Variants in TRPA1 observed in about 807,000 individuals in gnomAD.
TRPA1 encodes the protein ankyrin-like with transmembrane domains 1.
A neutral mutation model predicts 131.3 loss-of-function variants in TRPA1; 129 were observed. That is an observed-to-expected ratio of 0.98 (90% CI 0.85 to 1.14). The LOEUF (loss-of-function observed/expected upper bound fraction) is 1.14. Ranked by LOEUF, TRPA1 falls within the 50% of genes most tolerant of loss-of-function variation. TRPA1 has a pLI of 0.00. For missense variants in TRPA1, 1,304 were observed against 1,354.2 expected, an observed-to-expected ratio of 0.96 and a Z score of 0.58; for synonymous variants, 441 against 451.7, an observed-to-expected ratio of 0.98 and a Z score of 0.30.
chr8:72,045,231 G>A (rs1367557942), intron 17 of TRPA1, among the ~76,000 whole-genome samples: 1 of 151,838 alleles, frequency 6.6e-6, no homozygotes, highest in African/African-American at 2.4e-5. Flanking sequence ...CCACGAGTCT[G>A]CATTCTCCAT....
In TRPA1 at chr8:72,038,087, G is replaced by T; in HGVS notation, c.2296-15C>A. ...AGATATGAATTCTAAAACAAAAAAG[G>T]ATAAGACACATAGTTATGAGAGATA... On this transcript the variant is annotated splice_polypyrimidine_tract_variant and intron_variant, in intron 19 of 26. Transcript: ENST00000262209. The T allele has an allele frequency of 1.6e-6, 2 of 1,269,522 alleles. No homozygotes were observed. Among genetic ancestry groups the T allele is most frequent in the Non-Finnish European group, 1.1e-6 (1 of 874,230 alleles). The allele number at this position is 1,269,522 out of a possible 1,614,324, so 78.6% of individuals were successfully genotyped here. A position where few individuals can be genotyped will look rare whatever the true frequency, so the allele number is the denominator to read the frequency against.
chr8:72,022,862 A>T lies in TRPA1; in HGVS notation c.*44T>A, dbSNP rs896423708. 1.2e-5 allele frequency: 18 copies of T among 1,559,122 alleles called. No homozygotes were observed. In the African/African-American group the frequency reaches 1.6e-4, roughly 14 times the overall value. Reference sequence around the variant, plus strand: ...TTTAAATTGAAAGTTAGAACCAGCAAGTCATGCACCCCCCATTAGAAGCCT... The same window carrying T: ...TTTAAATTGAAAGTTAGAACCAGCATGTCATGCACCCCCCATTAGAAGCCT... On this transcript the variant is annotated 3_prime_UTR_variant, in exon 27 of 27. Coordinates refer to ENST00000262209, the MANE Select transcript of TRPA1 (RefSeq NM_007332.3).
chr8:72,034,241 G>C lies in TRPA1; in HGVS notation c.2685+7C>G, dbSNP rs1585844782. On this transcript the variant is annotated splice_region_variant and intron_variant, in intron 22 of 26. Coordinates refer to ENST00000262209, the MANE Select transcript of TRPA1 (RefSeq NM_007332.3). ...GACAAAATCAACTACTGATGTAACT[G>C]TCTTACCTGTAAATTCAGGAGGATG... 6.2e-7 allele frequency: 1 copy of C among 1,604,640 alleles called. No individual in the cohort carries two copies. The highest frequency in any genetic ancestry group is 1.7e-5 in the Admixed American group (1 of 59,590).
intron 19 of TRPA1, 168 bp downstream of exon 19, chr8:72,038,697 C>A: frequency 1.6e-6 from 1 of 607,404 alleles, no homozygotes; most frequent in Non-Finnish European, 2.8e-6. Flanking sequence ...GTTTATATTC[C>A]CTCTCCTTCC....
chr8:72,023,844 A>T lies in TRPA1; in HGVS notation c.3119T>A (p.Leu1040Ter). The change falls in exon 26 of 27, where the codon TTA becomes TAA. Residue 1040 changes from leucine (L) to a stop codon, truncating the protein, a stop_gained. Coordinates refer to ENST00000262209, the MANE Select transcript of TRPA1 (RefSeq NM_007332.3). LOFTEE classifies it high-confidence loss of function. ...TTTCTGCTTTAATATTTCCATTTCT[A>T]AAGATTTATCAGCATTTGGTATTTC... is the stretch of plus-strand genomic sequence containing the variant. ...RQEIPNADKS[L>*]EMEILKQKYR... is the part of the protein sequence containing the mutation. The T allele has an allele frequency of 6.3e-7, 1 of 1,592,676 alleles. No homozygotes were observed. The highest frequency in any genetic ancestry group is 1.1e-5 in the South Asian group (1 of 90,532).
At chr8:72,069,961 A>G (rs1806021196) in intron 2 of TRPA1, among the ~76,000 whole-genome samples, 1 of 152,222 alleles carries the variant, frequency 6.6e-6, no homozygotes, top group African/African-American at 2.4e-5. Context: ...AATAAACCAC[A>G]GGACTAGAAT....
chr8:72,058,142 A>C (rs776427826), intron 8 of TRPA1, among the ~76,000 whole-genome samples: 49 of 152,296 alleles, frequency 3.2e-4, no homozygotes, highest in African/African-American at 1.2e-3. Context: ...TTCCACTGCA[A>C]GAAATAATTT....
intron 3 of TRPA1, among the ~76,000 whole-genome samples, chr8:72,066,035 A>ATT (rs1198274243): frequency 6.6e-6 from 1 of 152,046 alleles, no homozygotes; most frequent in Non-Finnish European, 1.5e-5. Context: ...TCCTCCAGTT[A>ATT]TTTTTCTTTT....
chr8:72,033,528 T>C (rs1811912130), intron 23 of TRPA1, 116 bp downstream of exon 23: 1 of 998,652 alleles, frequency 1.0e-6, no homozygotes, highest in Non-Finnish European at 1.5e-6. Flanking sequence ...ATAGATTTTG[T>C]AGTAGATCCT....
chr8:72,036,388 C>CA lies in TRPA1; in HGVS notation c.2454dup (p.Val819CysfsTer7), dbSNP rs1812052477. 1 of 1,614,054 alleles carries CA rather than the reference C, an allele frequency of 6.2e-7. No homozygotes were observed. Among genetic ancestry groups the CA allele is most frequent in the South Asian group, 1.1e-5 (1 of 91,072 alleles). On this transcript the variant is annotated frameshift_variant, in exon 21 of 27. Coordinates refer to ENST00000262209, the MANE Select transcript of TRPA1 (RefSeq NM_007332.3). LOFTEE classifies it high-confidence loss of function. Reference sequence around the variant, plus strand: ...GGTATTTCAACAAACAAGGGCAGCACAAAAATGATGCCCGTCGTGTAGATA... The same window carrying CA: ...GGTATTTCAACAAACAAGGGCAGCACAAAAAATGATGCCCGTCGTGTAGATA...
At position 72,055,757 on chromosome 8, in the gene TRPA1, G is replaced by T; in HGVS notation, c.1293C>A (p.Asn431Lys). ...CRQGGPGSVNNLLGFNVSIHS... is the reference protein window; with the variant it reads ...CRQGGPGSVNKLLGFNVSIHS... Reference sequence around the variant, plus strand: ...GAATGGACACATTAAAGCCAAGTAGGTTATTTACAGAACCAGGGCCCCCCT... The same window carrying T: ...GAATGGACACATTAAAGCCAAGTAGTTTATTTACAGAACCAGGGCCCCCCT... The change falls in exon 11 of 27, where the codon AAC becomes AAA. Residue 431 changes from asparagine to lysine, a missense_variant. Coordinates refer to ENST00000262209, the MANE Select transcript of TRPA1 (RefSeq NM_007332.3). 6.2e-7 allele frequency: 1 copy of T among 1,612,968 alleles called. No homozygotes were observed. Among genetic ancestry groups the T allele is most frequent in the Non-Finnish European group, 8.5e-7 (1 of 1,179,230 alleles).
chr8:72,052,929 T>C, intron 13 of TRPA1, 164 bp from the exon 14 acceptor site: 3 of 711,478 alleles, frequency 4.2e-6, no homozygotes, highest in Non-Finnish European at 7.0e-6. Flanking sequence ...AGTTTATAGT[T>C]CTAGCATGGT....
chr8:72,041,416 T>C (rs1305731472), intron 17 of TRPA1: 4 of 152,144 alleles, frequency 2.6e-5, no homozygotes, highest in East Asian at 3.9e-4. Context: ...AGAATAGATA[T>C]TCTTCTCAAG....
At chr8:72,078,350 A>G (rs1390734299), upstream of TRPA1, among the ~76,000 whole-genome samples, 1 of 152,108 alleles carries the variant, frequency 6.6e-6, no homozygotes, top group Non-Finnish European at 1.5e-5. Flanking sequence ...CAGTTTTAGA[A>G]TATCTCCATC....
chr8:72,087,159 C>T, the TRPA1 span, among the ~76,000 whole-genome samples: 5,835 of 152,228 alleles, frequency 0.038, 378 homozygotes, highest in African/African-American at 0.13. Context: ...CTCTGTAAAA[C>T]TCCATGGTGT....
intron 15 of TRPA1, 123 bp downstream of exon 15, chr8:72,050,655 C>A (rs1002527082): frequency 5.7e-6 from 4 of 706,202 alleles, no homozygotes; most frequent in Non-Finnish European, 9.9e-6. Flanking sequence ...TGTCTCATTT[C>A]CCTTACAGCC....
intron 3 of TRPA1, among the ~76,000 whole-genome samples, chr8:72,066,556 T>A (rs1227255757): frequency 6.6e-6 from 1 of 152,222 alleles, no homozygotes; most frequent in East Asian, 1.9e-4. Context: ...TGAATTAGGT[T>A]TATTAATTAG....
At chr8:72,085,122 C>G in the TRPA1 span, among the ~76,000 whole-genome samples, 1 of 152,172 alleles carries the variant, frequency 6.6e-6, no homozygotes, top group South Asian at 2.1e-4. Context: ...TCAAAACAAA[C>G]TTTTTCATGT....
chr8:72,057,702 G>C lies in TRPA1; in HGVS notation c.1093+15C>G, dbSNP rs772687568. The C allele has an allele frequency of 2.5e-6, 4 of 1,598,442 alleles. No homozygotes were observed. The highest frequency in any genetic ancestry group is 2.6e-6 in the Non-Finnish European group (3 of 1,166,334). On this transcript the variant is annotated intron_variant, in intron 9 of 26. Transcript: ENST00000262209. ...AGTGGCACTTCAAAAGACTTGGCTT[G>C]TTCCCTCTTGGTACCTTTAGAGAGT...
Sources: allele counts gnomAD v4.1 joint callset (sites outside exome capture counted in the v4.1 genomes callset), GRCh38; gene constraint gnomAD v4.1.1; transcripts MANE v1.5; gene names NCBI Gene and HGNC (gene_info 2026-07-23, HGNC 2026-07-21).